The following CDC42BPA variants were observed in gnomAD, a reference collection of about 807,000 sequenced individuals.
CDC42BPA encodes serine/threonine-protein kinase MRCK alpha.
Under a neutral mutation model 223.5 loss-of-function variants are expected in CDC42BPA, and 80 were observed. That is an observed-to-expected ratio of 0.36 (90% CI 0.30 to 0.43). CDC42BPA has a LOEUF of 0.43. Among genes scored for constraint, CDC42BPA ranks in the 20% least tolerant of loss-of-function variants. The pLI is 1.00. For synonymous variants in CDC42BPA, 694 were observed against 718.6 expected (o/e 0.97, Z 0.55); for missense variants, 1,743 against 2,099.9 (o/e 0.83, Z 3.32).
intron 1 of CDC42BPA, among the ~76,000 whole-genome samples, chr1:227,277,350 T>C (rs567391546): frequency 1.3e-5 from 2 of 152,198 alleles, no homozygotes; most frequent in Non-Finnish European, 2.9e-5. Context: ...AACGTCTCAA[T>C]ATTAAATGTA....
chr1:227,306,086 T>C (rs1692483596), intron 1 of CDC42BPA, among the ~76,000 whole-genome samples: 1 of 150,886 alleles, frequency 6.6e-6, no homozygotes, highest in Non-Finnish European at 1.5e-5. Flanking sequence ...CAGTAGTCAC[T>C]GAAGTATATT....
chr1:227,047,172 T>C (rs1024085877), intron 23 of CDC42BPA, among the ~76,000 whole-genome samples: 1 of 152,164 alleles, frequency 6.6e-6, no homozygotes, highest in Non-Finnish European at 1.5e-5. Flanking sequence ...TCAGCAGTTA[T>C]GTTTTCATGT....
chr1:227,255,093 A>G (rs1682814730), intron 1 of CDC42BPA, among the ~76,000 whole-genome samples: 1 of 152,246 alleles, frequency 6.6e-6, no homozygotes, highest in African/African-American at 2.4e-5. Context: ...TGGTAAATTA[A>G]AAATGTTTAA....
At chr1:227,110,387 T>G (rs1203616250) in intron 14 of CDC42BPA, among the ~76,000 whole-genome samples, 4 of 152,194 alleles carry the variant, frequency 2.6e-5, no homozygotes, top group African/African-American at 9.7e-5. Context: ...ATCTCAAATT[T>G]CTAAATGACA....
intron 1 of CDC42BPA, among the ~76,000 whole-genome samples, chr1:227,315,657 T>G (rs968483446): frequency 1.3e-5 from 2 of 152,058 alleles, no homozygotes; most frequent in Non-Finnish European, 2.9e-5. Flanking sequence ...TACAAAATAC[T>G]TTATTCAACA....
At chr1:227,005,170 A>G (rs1663754511) in intron 34 of CDC42BPA, 59 bp from the exon 35 acceptor site, 15 of 1,131,054 alleles carry the variant, frequency 1.3e-5, no homozygotes, top group Non-Finnish European at 1.9e-5. Flanking sequence ...TTTTCTGCAG[A>G]GATGTCTATT....
chr1:227,018,418 C>T (rs1666729240), intron 32 of CDC42BPA, among the ~76,000 whole-genome samples: 2 of 152,174 alleles, frequency 1.3e-5, no homozygotes, highest in Non-Finnish European at 2.9e-5. Context: ...GATGGGCTTT[C>T]CTTCCTTTGT....
chr1:227,031,123 C>A (rs933227703), intron 28 of CDC42BPA, among the ~76,000 whole-genome samples, 175 bp downstream of exon 28: 2 of 152,058 alleles, frequency 1.3e-5, no homozygotes, highest in African/African-American at 4.8e-5. Flanking sequence ...CTCCTGTTTA[C>A]TGAAAAACAA....
chr1:227,005,215 G>T, intron 34 of CDC42BPA, 104 bp from the exon 35 acceptor site: 1 of 780,838 alleles, frequency 1.3e-6, no homozygotes, highest in Non-Finnish European at 2.2e-6. Context: ...AAATCATCTT[G>T]ACCAGAATGA....
intron 16 of CDC42BPA, among the ~76,000 whole-genome samples, chr1:227,089,219 C>T (rs1290512794): frequency 2.0e-5 from 3 of 152,072 alleles, no homozygotes; most frequent in African/African-American, 7.2e-5. Flanking sequence ...AGAAGAGATC[C>T]AGTTCTCTTC....
chr1:227,284,714 A>T (rs916698233), intron 1 of CDC42BPA, among the ~76,000 whole-genome samples: 1 of 152,200 alleles, frequency 6.6e-6, no homozygotes, highest in Non-Finnish European at 1.5e-5. Context: ...TAATCCCAGC[A>T]TGTTGGGAGG....
At position 227,069,586 on chromosome 1, in the gene CDC42BPA, T is replaced by C. The variant is rs1677855769; in HGVS notation, c.2904+191A>G. 7.5e-6 allele frequency: 3 copies of C among 402,432 alleles called. No homozygotes were observed. In the South Asian group the frequency reaches 2.3e-4, roughly 30 times the overall value. 24.9% of individuals were successfully genotyped at this position (402,432 alleles called of 1,614,324 possible). ...ATTAAATCTTTCTTAGATGTTTTGT[T>C]AAACAGAGGTGGGATTATAGTCTCC... is the stretch of plus-strand genomic sequence containing the variant. On this transcript the variant is annotated intron_variant, in intron 21 of 36. Transcript: ENST00000366766.
At position 227,132,899 on chromosome 1, in the gene CDC42BPA, C is replaced by T. The variant is rs536542955; in HGVS notation, c.1391-3668G>A. The stretch of plus-strand genomic sequence containing the variant: ...GTGAGGAGACCCTCTGCCTGGCAAC[C>T]GCCCCGACTGAGAGGTGAGGAGCCC... On this transcript the variant is annotated intron_variant, in intron 10 of 36. Coordinates refer to ENST00000366766, the MANE Select transcript of CDC42BPA (RefSeq NM_001394014.1). Among the ~76,000 whole-genome samples, 431 of 151,464 alleles carry T rather than the reference C, an allele frequency of 2.8e-3. 2 individuals carry two copies. Among genetic ancestry groups the T allele is most frequent in the African/African-American group, 9.6e-3 (397 of 41,240 alleles).
At chr1:227,156,120 GTTTTT>G (rs56169233) in intron 6 of CDC42BPA, among the ~76,000 whole-genome samples, 2 of 145,324 alleles carry the variant, frequency 1.4e-5, no homozygotes, top group African/African-American at 4.9e-5. Flanking sequence ...CTTCATTATA[GTTTTT>G]TTTTTGTTTT....
chr1:226,999,504 G>C (rs1662334319), intron 35 of CDC42BPA, among the ~76,000 whole-genome samples: 1 of 152,140 alleles, frequency 6.6e-6, no homozygotes, highest in South Asian at 2.1e-4. Context: ...GTTGGTGGGA[G>C]TATAAGTTAG....
chr1:227,156,824 C>T (rs1316658079), intron 6 of CDC42BPA, among the ~76,000 whole-genome samples: 5 of 152,096 alleles, frequency 3.3e-5, no homozygotes, highest in Non-Finnish European at 7.3e-5. Flanking sequence ...CACTAGCTCT[C>T]TCCGTGGAGT....
intron 16 of CDC42BPA, among the ~76,000 whole-genome samples, chr1:227,082,628 T>C (rs1245019234): frequency 1.3e-5 from 2 of 149,232 alleles, no homozygotes; most frequent in East Asian, 3.9e-4. Flanking sequence ...GGCAGGATAA[T>C]TGCTTGAACC....
intron 30 of CDC42BPA, among the ~76,000 whole-genome samples, chr1:227,026,779 G>C (rs1668342176): frequency 6.6e-6 from 1 of 152,174 alleles, no homozygotes; most frequent in African/African-American, 2.4e-5. Flanking sequence ...TCAGTTACAA[G>C]ACAGCATTTA....
At chr1:227,207,462 C>G (rs1672988134) in intron 3 of CDC42BPA, among the ~76,000 whole-genome samples, 1 of 147,662 alleles carries the variant, frequency 6.8e-6, no homozygotes, top group African/African-American at 2.5e-5. Context: ...TGCGCTGCAC[C>G]CACTAAATCG....
Sources: allele counts gnomAD v4.1 joint callset (sites outside exome capture counted in the v4.1 genomes callset), GRCh38; gene constraint gnomAD v4.1.1; transcripts MANE v1.5; gene names NCBI Gene and HGNC (gene_info 2026-07-23, HGNC 2026-07-21).